The following HDAC8 variants were observed in gnomAD, a reference collection of about 807,000 sequenced individuals.
HDAC8 encodes histone deacetylase 8.
Under a neutral mutation model 32.2 loss-of-function variants are expected in HDAC8, and 1 was observed. The observed-to-expected ratio is 0.03, with a 90% CI of 0.01 to 0.15. HDAC8 has a LOEUF of 0.15. Ranked by LOEUF, HDAC8 falls within the 10% of genes least tolerant of loss-of-function variation. HDAC8 has a pLI of 1.00. For synonymous variants in HDAC8, 108 were observed against 113.9 expected (o/e 0.95, Z 0.33); for missense variants, 117 against 300.0 (o/e 0.39, Z 4.51).
chrX:72,454,983 A>T (rs1421654579), intron 9 of HDAC8, among the ~76,000 whole-genome samples: 1 of 112,620 alleles, frequency 8.9e-6, no homozygotes, highest in Non-Finnish European at 1.9e-5. Flanking sequence ...CAAACAGACA[A>T]ATCTACAAAT....
intron 4 of HDAC8, among the ~76,000 whole-genome samples, chrX:72,547,557 C>T (rs1287775394): frequency 1.8e-5 from 2 of 110,234 alleles, no homozygotes; most frequent in Non-Finnish European, 3.8e-5. Context: ...TATCAAATTT[C>T]CCTATATATT....
Position 72,352,558 on chromosome X carries a change from G to A in HDAC8, c.1006-720C>T, listed in dbSNP as rs185881748. On this transcript the variant is annotated intron_variant, in intron 9 of 10. Transcript: ENST00000373573. ...AGCTCCCCGAAGGCAGGCAGCACCT[G>A]TGTCTTATTCATTTCCTTGGTCCCC... 6.2e-4 allele frequency among the ~76,000 whole-genome samples: 69 copies of A among 111,692 alleles called. 1 individual carries two copies. Among genetic ancestry groups the A allele is most frequent in the South Asian group, 1.5e-3 (4 of 2,631 alleles).
intron 9 of HDAC8, among the ~76,000 whole-genome samples, chrX:72,400,003 T>C (rs1555966895): frequency 9.0e-6 from 1 of 111,717 alleles, no homozygotes; most frequent in East Asian, 2.8e-4. Flanking sequence ...TCTTACTTGA[T>C]TTCTCAGCAG....
chrX:72,330,224 AC>A, intron 10 of HDAC8, 148 bp from the exon 11 acceptor site: 1 of 440,806 alleles, frequency 2.3e-6, no homozygotes, highest in Non-Finnish European at 3.9e-6. Context: ...AAGGAACAAG[AC>A]CAGAATAGCT....
chrX:72,450,008 C>T (rs987130091), intron 9 of HDAC8, among the ~76,000 whole-genome samples: 19 of 111,823 alleles, frequency 1.7e-4, no homozygotes, highest in Admixed American at 4.8e-4. Context: ...TTGGAAACAA[C>T]TCAAATGGAG....
At chrX:72,496,522 T>C (rs2049024550) in intron 4 of HDAC8, among the ~76,000 whole-genome samples, 1 of 111,438 alleles carries the variant, frequency 9.0e-6, no homozygotes, top group African/African-American at 3.3e-5. Flanking sequence ...AAATGTGTGA[T>C]TTTGGAAGTT....
At chrX:72,420,701 T>C (rs2046463469) in intron 9 of HDAC8, among the ~76,000 whole-genome samples, 2 of 112,178 alleles carry the variant, frequency 1.8e-5, no homozygotes, top group South Asian at 7.3e-4. Context: ...TCTCAATCAA[T>C]TGATCAGTAC....
intron 9 of HDAC8, among the ~76,000 whole-genome samples, chrX:72,456,917 A>G (rs2148027749): frequency 8.9e-6 from 1 of 111,864 alleles, no homozygotes; most frequent in South Asian, 3.8e-4. Context: ...CTACAAGAAA[A>G]GAAAACAACA....
intron 5 of HDAC8, among the ~76,000 whole-genome samples, chrX:72,493,545 A>G (rs1049187705): frequency 1.2e-4 from 13 of 111,916 alleles, no homozygotes; most frequent in Admixed American, 1.0e-3. Flanking sequence ...CCAGGGGTCA[A>G]TGAACTAAGT....
intron 4 of HDAC8, among the ~76,000 whole-genome samples, chrX:72,556,593 G>A (rs1556094241): frequency 1.8e-5 from 2 of 111,448 alleles, no homozygotes; most frequent in African/African-American, 6.5e-5. Context: ...AAAGCAAGCA[G>A]GAGTAGCTAT....
chrX:72,381,781 GGTTCCA>G (rs2045272558), intron 9 of HDAC8, among the ~76,000 whole-genome samples: 1 of 112,199 alleles, frequency 8.9e-6, no homozygotes, highest in African/African-American at 3.2e-5. Context: ...CTGATTTCCA[GGTTCCA>G]GTGACTTGGA....
chrX:72,514,100 T>A (rs1366786970), intron 4 of HDAC8, among the ~76,000 whole-genome samples: 2 of 112,230 alleles, frequency 1.8e-5, no homozygotes, highest in African/African-American at 6.5e-5. Flanking sequence ...ATACTGAAAC[T>A]CAGAAGGTAA....
chrX:72,373,784 G>A (rs1326249403), intron 9 of HDAC8, among the ~76,000 whole-genome samples: 2 of 112,227 alleles, frequency 1.8e-5, no homozygotes, highest in Non-Finnish European at 3.8e-5. Flanking sequence ...GTTTTCCAAA[G>A]TGGCTGCACC....
intron 4 of HDAC8, among the ~76,000 whole-genome samples, chrX:72,560,092 G>C (rs1198494207): frequency 8.9e-6 from 1 of 112,947 alleles, no homozygotes; most frequent in Non-Finnish European, 1.9e-5. Context: ...AACGGGCCAT[G>C]ATGACGATGG....
intron 9 of HDAC8, among the ~76,000 whole-genome samples, chrX:72,387,091 G>C (rs1180419939): frequency 8.9e-6 from 1 of 112,206 alleles, no homozygotes; most frequent in Non-Finnish European, 1.9e-5. Flanking sequence ...CAAAATCATA[G>C]GCAGAGCACA....
chrX:72,474,078 C>T (rs1318475605), intron 7 of HDAC8: 13 of 725,520 alleles, frequency 1.8e-5, no homozygotes, highest in South Asian at 7.0e-5. Flanking sequence ...TCAAACTTGA[C>T]CCAGATTTTA....
intron 9 of HDAC8, among the ~76,000 whole-genome samples, chrX:72,390,943 C>CTCT (rs1443547531): frequency 8.9e-6 from 1 of 112,126 alleles, no homozygotes; most frequent in East Asian, 2.8e-4. Context: ...AGTTTATCTT[C>CTCT]TCTTCCTTAA....
intron 2 of HDAC8, among the ~76,000 whole-genome samples, chrX:72,571,553 C>CTTTTTTTTTTTTT (rs782331910): frequency 2.3e-4 from 7 of 30,448 alleles, no homozygotes; most frequent in Admixed American, 6.8e-4. Context: ...TTCTTTCTTT[C>CTTTTTTTTTTTTT]TTTTTTTTTT....
intron 9 of HDAC8, among the ~76,000 whole-genome samples, chrX:72,443,149 T>C (rs199648531): frequency 9.1e-6 from 1 of 110,482 alleles, no homozygotes; most frequent in Non-Finnish European, 1.9e-5. Context: ...TTAACAAGGA[T>C]ACCCAGGAAT....
Sources: gnomAD v4.1 joint callset for allele counts (sites outside exome capture counted in the v4.1 genomes callset) on GRCh38, gnomAD v4.1.1 for gene constraint, MANE v1.5 for transcripts, NCBI Gene and HGNC (gene_info 2026-07-23, HGNC 2026-07-21) for gene names.